PAPPA2: variants seen among roughly 807,000 people sequenced by gnomAD.
PAPPA2 encodes the protein pappalysin-2.
Under a neutral mutation model 176.4 loss-of-function variants are expected in PAPPA2, and 86 were observed. The observed-to-expected ratio is 0.49, with a 90% CI of 0.41 to 0.58. PAPPA2 has a LOEUF of 0.58. PAPPA2 is among the 20% of genes least tolerant of loss of function. The pLI is 0.00. For synonymous variants in PAPPA2, 809 were observed against 852.2 expected, an observed-to-expected ratio of 0.95 and a Z score of 0.88; for missense variants, 2,073 against 2,256.9, an observed-to-expected ratio of 0.92 and a Z score of 1.65.
intron 3 of PAPPA2, among the ~76,000 whole-genome samples, chr1:176,623,697 CCTTT>C (rs1655799126): frequency 1.9e-5 from 2 of 106,182 alleles, no homozygotes; most frequent in Non-Finnish European, 1.9e-5. Context: ...CTCTCTCTTT[CCTTT>C]CTTTCTTTTC....
chr1:176,735,749 G>A (rs894546640), intron 12 of PAPPA2, among the ~76,000 whole-genome samples: 1 of 150,558 alleles, frequency 6.6e-6, no homozygotes, highest in Non-Finnish European at 1.5e-5. Context: ...TCATCTATCT[G>A]TCTGTCTATC....
intron 3 of PAPPA2, among the ~76,000 whole-genome samples, chr1:176,635,553 C>T (rs1180818415): frequency 2.0e-5 from 3 of 152,192 alleles, no homozygotes; most frequent in African/African-American, 7.2e-5. Context: ...AAATTGTGGG[C>T]AATAGTTCCA....
At chr1:176,676,610 A>G (rs1384772544) in intron 4 of PAPPA2, among the ~76,000 whole-genome samples, 3 of 152,136 alleles carry the variant, frequency 2.0e-5, no homozygotes, top group Non-Finnish European at 2.9e-5. Flanking sequence ...TGAGAAAAGT[A>G]TAGATGTATG....
At chr1:176,827,207 T>C (rs1666893852) in intron 21 of PAPPA2, among the ~76,000 whole-genome samples, 1 of 152,218 alleles carries the variant, frequency 6.6e-6, no homozygotes, top group South Asian at 2.1e-4. Context: ...TCCAGTTGTC[T>C]TCTGAACGTT....
chr1:176,683,008 CTATT>C (rs71865149), intron 4 of PAPPA2, among the ~76,000 whole-genome samples: 84,249 of 140,358 alleles, frequency 0.6, 25,571 homozygotes, highest in Non-Finnish European at 0.64. Flanking sequence ...TTGCCCAAAG[CTATT>C]TATTTATTTA....
intron 1 of PAPPA2, among the ~76,000 whole-genome samples, chr1:176,494,769 A>G (rs1016264854): frequency 2.0e-5 from 3 of 152,180 alleles, no homozygotes; most frequent in Non-Finnish European, 4.4e-5. Context: ...AACCCAAAAC[A>G]CAAATTAGAA....
chr1:176,824,950 G>A (rs773793044), intron 21 of PAPPA2, among the ~76,000 whole-genome samples: 8 of 152,202 alleles, frequency 5.3e-5, no homozygotes, highest in Non-Finnish European at 1.0e-4. Flanking sequence ...TAAGACTGGA[G>A]TGCCTGCAGG....
chr1:176,778,230 C>T (rs1393570981), intron 17 of PAPPA2, among the ~76,000 whole-genome samples: 1 of 152,114 alleles, frequency 6.6e-6, no homozygotes, highest in Non-Finnish European at 1.5e-5. Flanking sequence ...AGTACACTCT[C>T]TGTCTGCTTT....
intron 3 of PAPPA2, chr1:176,616,233 A>G (rs1655251626): frequency 6.8e-6 from 3 of 441,022 alleles, no homozygotes; most frequent in African/African-American, 2.0e-5. Flanking sequence ...GTCCTATCTC[A>G]AGTTCCACTT....
At chr1:176,492,436 T>G (rs1234007999) in intron 1 of PAPPA2, among the ~76,000 whole-genome samples, 1 of 152,224 alleles carries the variant, frequency 6.6e-6, no homozygotes, top group East Asian at 1.9e-4. Context: ...AGTCATATAG[T>G]TAGTCAGTGG....
chr1:176,503,945 G>A (rs1648105997), intron 1 of PAPPA2, among the ~76,000 whole-genome samples: 1 of 152,124 alleles, frequency 6.6e-6, no homozygotes, highest in Non-Finnish European at 1.5e-5. Context: ...CTCTACAGAA[G>A]TGGGATGAAA....
chr1:176,532,845 C>G (rs1649887862), intron 1 of PAPPA2, among the ~76,000 whole-genome samples: 1 of 152,176 alleles, frequency 6.6e-6, no homozygotes, highest in Admixed American at 6.5e-5. Context: ...CTCTGATGCT[C>G]AGCATCAGTA....
At chr1:176,657,651 G>T (rs1658104949) in intron 3 of PAPPA2, among the ~76,000 whole-genome samples, 1 of 151,962 alleles carries the variant, frequency 6.6e-6, no homozygotes, top group African/African-American at 2.4e-5. Flanking sequence ...TTTTTAAATT[G>T]AGTAATTGGA....
At chr1:176,692,101 T>A (rs1253997582) in intron 5 of PAPPA2, 25 bp from the exon 6 acceptor site, 1 of 1,589,976 alleles carries the variant, frequency 6.3e-7, no homozygotes, top group Non-Finnish European at 8.6e-7. Context: ...CTCCATCTCT[T>A]GTGCCACCTT....
At chr1:176,549,053 TCAC>T (rs1158238567) in intron 1 of PAPPA2, among the ~76,000 whole-genome samples, 2 of 152,172 alleles carry the variant, frequency 1.3e-5, no homozygotes, top group African/African-American at 4.8e-5. Context: ...CTCAGGGAAA[TCAC>T]CACATTTTAA....
At chr1:176,730,829 C>T (rs1662107958) in intron 12 of PAPPA2, among the ~76,000 whole-genome samples, 3 of 151,920 alleles carry the variant, frequency 2.0e-5, no homozygotes, top group Non-Finnish European at 4.4e-5. Flanking sequence ...TTTTGTAATG[C>T]TCTTATAATT....
In PAPPA2 at chr1:176,812,329, A is replaced by C. The variant is rs529824027; in HGVS notation, c.5202+12197A>C. On this transcript the variant is annotated intron_variant, in intron 21 of 22. Coordinates refer to ENST00000367662, the MANE Select transcript of PAPPA2 (RefSeq NM_020318.3). ...GAATTGCCATCACAGAAATGCTACC[A>C]TCTTTTCTTTAACCTGCCAGACCTT... Among the ~76,000 whole-genome samples, 9 of 152,094 alleles carry C rather than the reference A, an allele frequency of 5.9e-5. No homozygotes were observed. The East Asian group carries it at 1.7e-3, about 29-fold the overall frequency.
chr1:176,651,184 A>C (rs1657699494), intron 3 of PAPPA2, among the ~76,000 whole-genome samples: 1 of 151,616 alleles, frequency 6.6e-6, no homozygotes, highest in Non-Finnish European at 1.5e-5. Flanking sequence ...TACAGTATTA[A>C]TGTATTCTGC....
At chr1:176,691,380 T>C (rs1173838966) in intron 5 of PAPPA2, among the ~76,000 whole-genome samples, 1 of 152,126 alleles carries the variant, frequency 6.6e-6, no homozygotes, top group Non-Finnish European at 1.5e-5. Flanking sequence ...TCTATCTGAG[T>C]TTCATTGCGG....
Sources: allele counts gnomAD v4.1 joint callset (sites outside exome capture counted in the v4.1 genomes callset), GRCh38; gene constraint gnomAD v4.1.1; transcripts MANE v1.5; gene names NCBI Gene and HGNC (gene_info 2026-07-23, HGNC 2026-07-21).